Variants in CRLF1 observed in about 807,000 individuals in gnomAD.
CRLF1 encodes cytokine receptor like factor 1, also known as cytokine receptor-like factor 1.
CRLF1 carries 36 observed loss-of-function variants against 48.9 expected under a neutral mutation model. The observed-to-expected ratio is 0.74, with a 90% CI of 0.56 to 0.97. The LOEUF (loss-of-function observed/expected upper bound fraction) is 0.97. CRLF1 is among the 50% of genes least tolerant of loss of function. The pLI is 0.00. For missense variants in CRLF1, 534 were observed against 575.1 expected (o/e 0.93, Z 0.73); for synonymous variants, 256 against 253.4 (o/e 1.01, Z -0.10).
At position 18,606,582 on chromosome 19, in the gene CRLF1, C is replaced by T; in HGVS notation, c.75G>A (p.Leu25=). Residue 25 remains leucine, a synonymous_variant, in exon 1 of 9, where the codon CTG becomes CTA. Coordinates refer to ENST00000392386, the MANE Select transcript of CRLF1 (RefSeq NM_004750.5). The surrounding 1 kb of genome is among the most constrained non-coding windows in gnomAD (Gnocchi z 4.8). Reference sequence around the variant, plus strand: ...CTCGCGGCGCCCCGAGGACGCAGAGCAGCAGCAGCAGGGGCAGCAACGGCG... The same window carrying T: ...CTCGCGGCGCCCCGAGGACGCAGAGTAGCAGCAGCAGGGGCAGCAACGGCG... ...RPPPLLPLLL[L]LCVLGAPRAG... The T allele has an allele frequency of 1.4e-6, 1 of 708,204 alleles. No individual in the cohort carries two copies. The highest frequency in any genetic ancestry group is 6.9e-5 in the South Asian group (1 of 14,464). The allele number at this position is 708,204 out of a possible 1,614,324, so 43.9% of individuals were successfully genotyped here.
chr19:18,598,451 C>G lies in CRLF1; in HGVS notation c.678G>C (p.Thr226=), dbSNP rs757444080. ...GCTCACCCACATCCAGGATATCCAGCGTGAGTACATCGGAGCGGGCAGAGC... is the reference window on the plus strand; with the variant it reads ...GCTCACCCACATCCAGGATATCCAGGGTGAGTACATCGGAGCGGGCAGAGC... The part of the protein sequence containing the change: ...RLGSARSDVL[T]LDILDVVTTD... The change falls in exon 4 of 9, where the codon ACG becomes ACC. Residue 226 remains threonine, a synonymous_variant. Coordinates refer to ENST00000392386, the MANE Select transcript of CRLF1 (RefSeq NM_004750.5). The G allele has an allele frequency of 2.5e-6, 4 of 1,613,654 alleles. No homozygotes were observed. Among genetic ancestry groups the G allele is most frequent in the Non-Finnish European group, 3.4e-6 (4 of 1,179,824 alleles).
At chr19:18,596,538 A>AAAAAG in intron 6 of CRLF1, 84 bp downstream of exon 6, 1 of 1,531,630 alleles carries the variant, frequency 6.5e-7, no homozygotes, top group East Asian at 2.3e-5. Context: ...AAAAGAAAAA[A>AAAAAG]AAAAGAAAAG....
chr19:18,594,029 T>TTCTGG, intron 8 of CRLF1, 36 bp downstream of exon 8: 1 of 1,366,640 alleles, frequency 7.3e-7, no homozygotes, highest in South Asian at 1.2e-5. Flanking sequence ...GCCCTCCCCT[T>TTCTGG]GCTCCCTCCC....
At position 18,599,717 on chromosome 19, in the gene CRLF1, C is replaced by A. The variant is rs374345199; in HGVS notation, c.245G>T (p.Arg82Leu). ...TACACGGGAGAGCTCAGGGGGCAGG[C>A]GGCGCCCGTTGAGGGTCCAGTAGAG... ...EGLYWTLNGR[R>L]LPPELSRVLN... is the part of the protein sequence containing the mutation. The change falls in exon 2 of 9, where the codon CGC (arginine) becomes CTC (leucine). Residue 82 changes from arginine (R) to leucine (L), a missense_variant. Physicochemically the swap from Arg to Leu is moderately radical, Grantham distance 102 (BLOSUM62 -2). Transcript: ENST00000392386. 6 of 1,608,274 alleles carry A rather than the reference C, an allele frequency of 3.7e-6. No homozygotes were observed. Among genetic ancestry groups the A allele is most frequent in the Non-Finnish European group, 4.2e-6 (5 of 1,177,672 alleles).
chr19:18,604,803 C>T (rs1976268124), intron 1 of CRLF1, among the ~76,000 whole-genome samples: 1 of 152,200 alleles, frequency 6.6e-6, no homozygotes, highest in Admixed American at 6.5e-5. Context: ...CCTTTTCACT[C>T]CCTGCCTCCC....
intron 4 of CRLF1, among the ~76,000 whole-genome samples, chr19:18,597,251 T>C (rs1043478703): frequency 3.9e-5 from 6 of 152,112 alleles, no homozygotes; most frequent in Non-Finnish European, 8.8e-5. Flanking sequence ...TTAGCTGTTA[T>C]CACCATTATT....
Position 18,598,579 on chromosome 19 carries a change from A to T in CRLF1, c.550T>A (p.Cys184Ser). ...KLRWYGQDNT[C>S]EEYHTVGPHS... ...GGCCCCACTGTGTGGTACTCCTCAC[A>T]TGTGTTGTCCTGGCCATACCACCTG... The change falls in exon 4 of 9, where the codon TGT becomes AGT. Residue 184 changes from cysteine to serine, a missense_variant. Cys to Ser is a moderately radical substitution (Grantham distance 112, BLOSUM62 -1). Transcript: ENST00000392386. 6.2e-7 allele frequency: 1 copy of T among 1,614,008 alleles called. No homozygotes were observed. Among genetic ancestry groups the T allele is most frequent in the East Asian group, 2.2e-5 (1 of 44,874 alleles).
rs780528096 is a variant in CRLF1, at chr19:18,599,748, C to A, written c.214G>T (p.Glu72Ter). 1.9e-6 allele frequency: 3 copies of A among 1,601,040 alleles called. No homozygotes were observed. The highest frequency in any genetic ancestry group is 2.6e-6 in the Non-Finnish European group (3 of 1,173,952). ...VHGDPPGATA[E>*]GLYWTLNGRR... is the part of the protein sequence containing the mutation. Reference sequence around the variant, plus strand: ...CCGTTGAGGGTCCAGTAGAGGCCCTCGGCGGTGGCTCCTGGTGGGTCTCCG... The same window carrying A: ...CCGTTGAGGGTCCAGTAGAGGCCCTAGGCGGTGGCTCCTGGTGGGTCTCCG... The change falls in exon 2 of 9, where the codon GAG becomes TAG. Residue 72 changes from glutamate (E) to a stop codon, truncating the protein, a stop_gained. Transcript: ENST00000392386. LOFTEE classifies it high-confidence loss of function.
At chr19:18,596,513 A>G (rs370763488) in intron 6 of CRLF1, 109 bp downstream of exon 6, 2 of 1,340,242 alleles carry the variant, frequency 1.5e-6, no homozygotes, top group Admixed American at 2.4e-5. Context: ...ATGCGACAGA[A>G]TGAGGCCGTG....
chr19:18,594,032 T>TGGGGCGG, intron 8 of CRLF1, 33 bp downstream of exon 8: 3 of 695,814 alleles, frequency 4.3e-6, no homozygotes, highest in Non-Finnish European at 4.4e-6. Flanking sequence ...CTCCCCTTGC[T>TGGGGCGG]CCCTCCCGCC....
chr19:18,594,545 C>T, intron 6 of CRLF1, 111 bp from the exon 7 acceptor site: 1 of 830,440 alleles, frequency 1.2e-6, no homozygotes, highest in Non-Finnish European at 1.6e-6. Flanking sequence ...GGGAACCTCC[C>T]TCCCCGTTTC....
In CRLF1 at chr19:18,594,454, C is replaced by T; in HGVS notation, c.1025-20G>A. On this transcript the variant is annotated intron_variant, in intron 6 of 8. Coordinates refer to ENST00000392386, the MANE Select transcript of CRLF1 (RefSeq NM_004750.5). ...GGCGCTCTGGTGGTGGGCGGAGCGG[C>T]AGTGTCAGAGCGCGCCCGGCAGGGG... 7.3e-7 allele frequency: 1 copy of T among 1,376,416 alleles called. No individual in the cohort carries two copies. The highest frequency in any genetic ancestry group is 1.5e-5 in the African/African-American group (1 of 64,692). 85.3% of individuals were successfully genotyped at this position (1,376,416 alleles called of 1,614,324 possible). A position where few individuals can be genotyped will look rare whatever the true frequency, so the allele number is the denominator to read the frequency against.
intron 2 of CRLF1, chr19:18,599,124 G>A (rs1976184870): frequency 1.0e-6 from 1 of 985,084 alleles, no homozygotes; most frequent in Non-Finnish European, 1.2e-6. Context: ...TTCTTTTTTC[G>A]AGGCAAAGTC....
chr19:18,599,915 C>A, intron 1 of CRLF1, 69 bp from the exon 2 acceptor site: 1 of 1,419,180 alleles, frequency 7.0e-7, no homozygotes, highest in Admixed American at 2.9e-5. Flanking sequence ...ATGCCAGGAC[C>A]TCCAGGGTTC....
rs1272173023 is a variant in CRLF1, at chr19:18,606,054, C to T, written c.115+488G>A. On this transcript the variant is annotated intron_variant, in intron 1 of 8. Transcript: ENST00000392386. The surrounding 1 kb of genome is among the most constrained non-coding windows in gnomAD (Gnocchi z 4.8). ...GACACAAGTCCCCCGGGACCCCGGG[C>T]TGCGCGCCAGGCGGCCAGAGCGGCC... 1.3e-5 allele frequency among the ~76,000 whole-genome samples: 2 copies of T among 151,706 alleles called. No individual in the cohort carries two copies. Among genetic ancestry groups the T allele is most frequent in the African/African-American group, 4.8e-5 (2 of 41,368 alleles).
At chr19:18,603,412 C>A (rs1489137523) in intron 1 of CRLF1, among the ~76,000 whole-genome samples, 1 of 152,208 alleles carries the variant, frequency 6.6e-6, no homozygotes, top group African/African-American at 2.4e-5. Context: ...GTGGGAGCTG[C>A]AAGTGCCAAG....
In CRLF1 at chr19:18,596,753, A is replaced by G. The variant is rs1417524274; in HGVS notation, c.893T>C (p.Leu298Pro). 1.2e-6 allele frequency: 2 copies of G among 1,614,056 alleles called. No individual in the cohort carries two copies. The highest frequency in any genetic ancestry group is 1.1e-5 in the South Asian group (1 of 91,080). ...DDVSNQTSCR[L>P]AGLKPGTVYF... ...CACGGTGCCGGGTTTCAGGCCGGCCAGGCGGCAGGAGGTCTGGTTGCTCAC... is the reference window on the plus strand; with the variant it reads ...CACGGTGCCGGGTTTCAGGCCGGCCGGGCGGCAGGAGGTCTGGTTGCTCAC... Residue 298 changes from leucine (L) to proline (P), a missense_variant, in exon 6 of 9, where the codon CTG becomes CCG. Around this residue, in one of 2 missense-constraint regions of CRLF1, gnomAD observed 528 missense variants for 555.7 expected, o/e 0.95. Transcript: ENST00000392386.
chr19:18,598,949 C>A, intron 2 of CRLF1, 48 bp from the exon 3 acceptor site: 1 of 1,606,830 alleles, frequency 6.2e-7, no homozygotes, highest in South Asian at 1.1e-5. Flanking sequence ...TCTGGACTAG[C>A]TGAGCCTCGG....
chr19:18,600,905 G>A (rs1388394568), intron 1 of CRLF1, among the ~76,000 whole-genome samples: 1 of 152,016 alleles, frequency 6.6e-6, no homozygotes, highest in Non-Finnish European at 1.5e-5. Context: ...CTGGGTTCAA[G>A]TGATCCTCCC....
Sources: allele counts gnomAD v4.1 joint callset (sites outside exome capture counted in the v4.1 genomes callset), GRCh38; gene constraint gnomAD v4.1.1; regional missense constraint gnomAD v4.1.1; non-coding constraint Gnocchi (gnomAD v3.1); transcripts MANE v1.5; gene names NCBI Gene and HGNC (gene_info 2026-07-23, HGNC 2026-07-21).